The following CFDP1 variants were observed in gnomAD, a reference collection of about 807,000 sequenced individuals.
The protein encoded by CFDP1 is chromatin remodeling protein CFDP1, also known as heterochromatin-stabilizing protein CFDP1.
A neutral mutation model predicts 40.1 loss-of-function variants in CFDP1; 31 were observed. The observed-to-expected ratio is 0.77, with a 90% CI of 0.58 to 1.04. CFDP1 has a LOEUF of 1.04. Ranked by LOEUF, CFDP1 falls within the 50% of genes least tolerant of loss-of-function variation. The pLI, the probability that CFDP1 is intolerant of heterozygous loss-of-function variation, is 0.00. For synonymous variants in CFDP1, 167 were observed against 120.0 expected (o/e 1.39, Z -2.56); for missense variants, 423 against 343.4 (o/e 1.23, Z -1.83).
intron 5 of CFDP1, chr16:75,394,549 TA>T (rs2078980080): frequency 6.6e-6 from 1 of 152,098 alleles, no homozygotes; most frequent in Non-Finnish European, 1.5e-5. Flanking sequence ...ATTTGAAAAG[TA>T]TTATTTTTAA....
chr16:75,325,014 G>C lies in CFDP1; in HGVS notation c.651-19832C>G, dbSNP rs560245389. ...AATTTGAGCTTCTTTGATGGCATAT[G>C]GGAGTCTTCTAGCATGGAAAGTCCT... On this transcript the variant is annotated intron_variant, in intron 5 of 6. Coordinates refer to ENST00000283882, the MANE Select transcript of CFDP1 (RefSeq NM_006324.3). The C allele has an allele frequency of 6.6e-5, 10 of 152,288 alleles. 1 individual carries two copies. In the East Asian group the frequency reaches 1.9e-3, roughly 29 times the overall value. The allele number at this position is 152,288 out of a possible 1,614,324, so 9.4% of individuals were successfully genotyped here.
rs565119667 is a variant in CFDP1 at position 75,414,425 on chromosome 16, G to A, written c.182+153C>T. Among the ~76,000 whole-genome samples the A allele has an allele frequency of 4.6e-5, 7 of 152,188 alleles. No individual in the cohort carries two copies. The South Asian group carries it at 6.2e-4, about 14-fold the overall frequency. On this transcript the variant is annotated intron_variant, in intron 2 of 6. Coordinates refer to ENST00000283882, the MANE Select transcript of CFDP1 (RefSeq NM_006324.3). Reference sequence around the variant, plus strand: ...ATGTTTAAAGCTTTCCAGAGACCAAGAAGTTAATCCTAAAATAACAGCAAA... The same window carrying A: ...ATGTTTAAAGCTTTCCAGAGACCAAAAAGTTAATCCTAAAATAACAGCAAA...
chr16:75,378,364 T>C (rs4888392), intron 5 of CFDP1, among the ~76,000 whole-genome samples: 79,454 of 151,690 alleles, frequency 0.52, 21,735 homozygotes, highest in Admixed American at 0.64. Flanking sequence ...CAGTCTGTTT[T>C]TGGGGTCAGC....
chr16:75,333,224 C>G (rs909987546), intron 5 of CFDP1, among the ~76,000 whole-genome samples: 1 of 151,270 alleles, frequency 6.6e-6, no homozygotes, highest in Admixed American at 6.6e-5. Context: ...CCCAGGTTCA[C>G]GCCATTCTCC....
intron 5 of CFDP1, among the ~76,000 whole-genome samples, chr16:75,394,032 G>A (rs1392261872): frequency 6.6e-6 from 1 of 152,154 alleles, no homozygotes; most frequent in African/African-American, 2.4e-5. Flanking sequence ...TGCAGCCTGG[G>A]TGACAGAGCG....
intron 4 of CFDP1, among the ~76,000 whole-genome samples, chr16:75,395,485 C>A (rs1597380487): frequency 6.6e-6 from 1 of 152,036 alleles, no homozygotes; most frequent in East Asian, 1.9e-4. Context: ...ATGGTGAAAT[C>A]CCGTCTCTAT....
At chr16:75,421,409 CA>C (rs1366900113) in intron 1 of CFDP1, among the ~76,000 whole-genome samples, 1 of 152,072 alleles carries the variant, frequency 6.6e-6, no homozygotes, top group African/African-American at 2.4e-5. Context: ...ATTATACATA[CA>C]AAACCCCCCA....
intron 5 of CFDP1, chr16:75,394,825 G>C (rs938198454): frequency 7.2e-6 from 2 of 278,356 alleles, no homozygotes; most frequent in African/African-American, 4.5e-5. Context: ...ACCATGCCCA[G>C]CTAATTTTTT....
intron 5 of CFDP1, among the ~76,000 whole-genome samples, chr16:75,313,127 G>T (rs1442633755): frequency 6.6e-6 from 1 of 152,150 alleles, no homozygotes. Context: ...AAAGAGTAAC[G>T]TGTTGTTTGT....
At chr16:75,361,349 G>C (rs1421232119) in intron 5 of CFDP1, among the ~76,000 whole-genome samples, 2 of 152,108 alleles carry the variant, frequency 1.3e-5, no homozygotes, top group African/African-American at 4.8e-5. Context: ...GGGCGCGGTG[G>C]CTCACACCTG....
chr16:75,366,727 G>C (rs191835349), intron 5 of CFDP1, among the ~76,000 whole-genome samples: 1 of 152,224 alleles, frequency 6.6e-6, no homozygotes, highest in South Asian at 2.1e-4. Flanking sequence ...ACAGAAAGCA[G>C]ATCAGTGGTT....
At chr16:75,400,323 T>C (rs1042569655) in intron 4 of CFDP1, among the ~76,000 whole-genome samples, 9 of 151,850 alleles carry the variant, frequency 5.9e-5, no homozygotes, top group Non-Finnish European at 7.4e-5. Flanking sequence ...AGAAAGCAAG[T>C]AGACAAGTAA....
At chr16:75,414,911 G>C (rs1272862158) in intron 1 of CFDP1, among the ~76,000 whole-genome samples, 1 of 152,112 alleles carries the variant, frequency 6.6e-6, no homozygotes, top group Non-Finnish European at 1.5e-5. Flanking sequence ...TTCCATGGCA[G>C]TCTCTATTTC....
chr16:75,324,561 G>C (rs1174508179), intron 5 of CFDP1: 1 of 152,070 alleles, frequency 6.6e-6, no homozygotes, highest in Non-Finnish European at 1.5e-5. Context: ...GGCCAACATG[G>C]TGAAACTCCG....
chr16:75,325,536 A>C (rs2078395428), intron 5 of CFDP1, among the ~76,000 whole-genome samples: 1 of 152,142 alleles, frequency 6.6e-6, no homozygotes, highest in Non-Finnish European at 1.5e-5. Context: ...AGCATTTTCT[A>C]ATGTATCCCA....
In CFDP1 at chr16:75,391,829, TG is replaced by T. The variant is rs1250548191; in HGVS notation, c.650+3260del. On this transcript the variant is annotated intron_variant, in intron 5 of 6. Coordinates refer to ENST00000283882, the MANE Select transcript of CFDP1 (RefSeq NM_006324.3). ...ACTAAAAATACAAAAATCAGCCAGG[TG>T]TGGTGGCGGGCGCCTGTAATCCCAG... Among the ~76,000 whole-genome samples, 3 of 151,516 alleles carry T rather than the reference TG, an allele frequency of 2.0e-5. No homozygotes were observed. The East Asian group carries it at 5.9e-4, about 30-fold the overall frequency.
chr16:75,408,462 C>A (rs11864102), intron 4 of CFDP1, among the ~76,000 whole-genome samples: 4 of 151,764 alleles, frequency 2.6e-5, no homozygotes, highest in African/African-American at 9.7e-5. Flanking sequence ...AGCTCTTTCA[C>A]CACAATAAAA....
At chr16:75,350,477 T>C (rs2078603327) in intron 5 of CFDP1, among the ~76,000 whole-genome samples, 1 of 152,230 alleles carries the variant, frequency 6.6e-6, no homozygotes, top group Non-Finnish European at 1.5e-5. Context: ...ATCTCTCTAA[T>C]GAATAATTAT....
intron 1 of CFDP1, among the ~76,000 whole-genome samples, chr16:75,428,089 G>T (rs1170503707): frequency 3.3e-5 from 5 of 151,848 alleles, no homozygotes; most frequent in African/African-American, 1.2e-4. Context: ...GGCCGGGGGT[G>T]AGGGAGAGTT....
Sources: allele counts gnomAD v4.1 joint callset (sites outside exome capture counted in the v4.1 genomes callset), GRCh38; gene constraint gnomAD v4.1.1; transcripts MANE v1.5; gene names NCBI Gene and HGNC (gene_info 2026-07-23, HGNC 2026-07-21).